The following PPIL4 variants were observed in gnomAD, a reference collection of about 807,000 sequenced individuals.
PPIL4 encodes peptidyl-prolyl cis-trans isomerase-like 4.
A neutral mutation model predicts 69.1 loss-of-function variants in PPIL4; 50 were observed. That is an observed-to-expected ratio of 0.72 (90% CI 0.58 to 0.92). The LOEUF (loss-of-function observed/expected upper bound fraction) is 0.92. PPIL4 is among the 40% of genes least tolerant of loss of function. PPIL4 has a pLI of 0.00. For missense variants in PPIL4, 480 were observed against 587.9 expected (o/e 0.82, Z 1.90); for synonymous variants, 193 against 191.6 (o/e 1.01, Z -0.06).
At chr6:149,528,760 A>G (rs1777146233) in intron 7 of PPIL4, among the ~76,000 whole-genome samples, 1 of 152,206 alleles carries the variant, frequency 6.6e-6, no homozygotes, top group African/African-American at 2.4e-5. Flanking sequence ...ACTCCTAGGT[A>G]TTTACCCAAA....
intron 5 of PPIL4, 31 bp from the exon 6 acceptor site, chr6:149,534,805 A>G: frequency 8.2e-7 from 1 of 1,212,866 alleles, no homozygotes; most frequent in Non-Finnish European, 1.2e-6. Context: ...CAAATGTTAT[A>G]CATTGAAGTT....
intron 12 of PPIL4, among the ~76,000 whole-genome samples, chr6:149,506,366 G>C (rs1346983834): frequency 6.6e-6 from 1 of 152,138 alleles, no homozygotes; most frequent in Non-Finnish European, 1.5e-5. Context: ...CAGCTACTCG[G>C]GAGGCTGAGG....
At chr6:149,516,065 T>C (rs1776939208) in intron 11 of PPIL4, among the ~76,000 whole-genome samples, 2 of 152,188 alleles carry the variant, frequency 1.3e-5, no homozygotes, top group Admixed American at 6.5e-5. Flanking sequence ...CACTATTCCA[T>C]ATAAGTATAT....
intron 1 of PPIL4, among the ~76,000 whole-genome samples, chr6:149,545,376 T>C (rs541907708): frequency 6.6e-6 from 1 of 152,148 alleles, no homozygotes. Flanking sequence ...TTCCTGTGTC[T>C]ACTTCCCCCA....
intron 7 of PPIL4, among the ~76,000 whole-genome samples, chr6:149,529,099 C>T (rs948494609): frequency 4.0e-5 from 6 of 151,898 alleles, no homozygotes; most frequent in South Asian, 2.1e-4. Flanking sequence ...GGTGTGGTGG[C>T]GTGTGCCTAT....
At chr6:149,541,679 T>C in intron 1 of PPIL4, 93 bp from the exon 2 acceptor site, 2 of 725,632 alleles carry the variant, frequency 2.8e-6, no homozygotes, top group Non-Finnish European at 4.6e-6. Flanking sequence ...TCTAAATTAC[T>C]ATTAAAAGAA....
chr6:149,536,876 C>T (rs1213558535), intron 4 of PPIL4, among the ~76,000 whole-genome samples: 1 of 152,120 alleles, frequency 6.6e-6, no homozygotes, highest in Non-Finnish European at 1.5e-5. Context: ...CTATGTAATC[C>T]CAGCACTTTA....
chr6:149,537,645 G>C (rs1777298123), intron 4 of PPIL4, among the ~76,000 whole-genome samples: 1 of 151,774 alleles, frequency 6.6e-6, no homozygotes, highest in South Asian at 2.1e-4. Flanking sequence ...GGTGGAGCTT[G>C]CAGTGAGCAG....
chr6:149,525,212 G>T lies in PPIL4; in HGVS notation c.804-3C>A. The T allele has an allele frequency of 2.8e-6, 4 of 1,454,542 alleles. No homozygotes were observed. The highest frequency in any genetic ancestry group is 1.3e-5 in the South Asian group (1 of 78,878). The allele number at this position is 1,454,542 out of a possible 1,614,324, so 90.1% of individuals were successfully genotyped here. ...TCCAGTCTCGGATAACTTCACAACT[G>T]AAAGAAAGTATTTAAAAGTGACTTA... On this transcript the variant is annotated splice_polypyrimidine_tract_variant and splice_region_variant and intron_variant, in intron 8 of 12. Coordinates refer to ENST00000253329, the MANE Select transcript of PPIL4 (RefSeq NM_139126.4).
intron 12 of PPIL4, among the ~76,000 whole-genome samples, chr6:149,507,491 A>C (rs1464738035): frequency 6.6e-6 from 1 of 152,238 alleles, no homozygotes; most frequent in Non-Finnish European, 1.5e-5. Context: ...TAACATATAC[A>C]AAATAGAAAT....
At chr6:149,517,157 G>T (rs1053688113) in intron 11 of PPIL4, 197 bp downstream of exon 11, 2 of 478,394 alleles carry the variant, frequency 4.2e-6, no homozygotes, top group South Asian at 6.3e-5. Flanking sequence ...CCATACACTA[G>T]AGTATAGTGA....
At chr6:149,524,316 T>C (rs1218447574) in intron 9 of PPIL4, among the ~76,000 whole-genome samples, 2 of 152,212 alleles carry the variant, frequency 1.3e-5, no homozygotes, top group East Asian at 3.8e-4. Context: ...AAAAGTAACA[T>C]AATGCCTAGC....
chr6:149,510,608 G>A (rs934559026), intron 12 of PPIL4, among the ~76,000 whole-genome samples: 1 of 152,022 alleles, frequency 6.6e-6, no homozygotes, highest in African/African-American at 2.4e-5. Context: ...CAGGCATGAT[G>A]GCAGGTGCCT....
At chr6:149,515,449 T>G (rs1398901837) in intron 11 of PPIL4, among the ~76,000 whole-genome samples, 1 of 152,222 alleles carries the variant, frequency 6.6e-6, no homozygotes. Flanking sequence ...CTTTTTTCAG[T>G]GTTGAGGGTA....
At chr6:149,545,864 T>C in intron 1 of PPIL4, 72 bp downstream of exon 1, 1 of 1,379,780 alleles carries the variant, frequency 7.2e-7, no homozygotes, top group South Asian at 1.2e-5. Context: ...TGCCCTGGAC[T>C]GCGCAGAGAA....
At chr6:149,542,531 T>C (rs1271351691) in intron 1 of PPIL4, among the ~76,000 whole-genome samples, 1 of 152,188 alleles carries the variant, frequency 6.6e-6, no homozygotes, top group Non-Finnish European at 1.5e-5. Flanking sequence ...CAGTAAGATA[T>C]ATGAGGCAAT....
intron 11 of PPIL4, among the ~76,000 whole-genome samples, chr6:149,512,974 C>T (rs1209488257): frequency 6.6e-6 from 1 of 151,684 alleles, no homozygotes; most frequent in Non-Finnish European, 1.5e-5. Context: ...AAACACCTGA[C>T]CTCGTGATCC....
chr6:149,523,828 T>C (rs1777066655), intron 9 of PPIL4, among the ~76,000 whole-genome samples: 1 of 152,212 alleles, frequency 6.6e-6, no homozygotes, highest in Non-Finnish European at 1.5e-5. Context: ...ATAGTGTCAA[T>C]GATAGAATGC....
intron 7 of PPIL4, among the ~76,000 whole-genome samples, chr6:149,532,942 T>C (rs1245926186): frequency 6.6e-6 from 1 of 152,214 alleles, no homozygotes; most frequent in Non-Finnish European, 1.5e-5. Flanking sequence ...GTATGCCTAT[T>C]CTACAAAAAT....
Sources: gnomAD v4.1 joint callset for allele counts (sites outside exome capture counted in the v4.1 genomes callset) on GRCh38, gnomAD v4.1.1 for gene constraint, MANE v1.5 for transcripts, NCBI Gene and HGNC (gene_info 2026-07-23, HGNC 2026-07-21) for gene names.